Variants in ROBO2 observed in about 807,000 individuals in gnomAD.
ROBO2 encodes roundabout guidance receptor 2, also known as roundabout homolog 2.
Under a neutral mutation model 160.8 loss-of-function variants are expected in ROBO2, and 53 were observed. That is an observed-to-expected ratio of 0.33 (90% CI 0.26 to 0.41). The LOEUF (loss-of-function observed/expected upper bound fraction) is 0.41, where lower values mean the gene tolerates loss of function less well. Ranked by LOEUF, ROBO2 falls within the 10% of genes least tolerant of loss-of-function variation. ROBO2 has a pLI of 1.00. For missense variants in ROBO2, 1,577 were observed against 1,722.4 expected, an observed-to-expected ratio of 0.92 and a Z score of 1.49; for synonymous variants, 664 against 611.7, an observed-to-expected ratio of 1.09 and a Z score of -1.26.
chr3:76,434,542 G>T, intron 2 of ROBO2: 1 of 1,580,136 alleles, frequency 6.3e-7, no homozygotes, highest in Non-Finnish European at 8.7e-7. Context: ...ATGTAGACTG[G>T]GTCAAAGCTT....
chr3:77,362,456 G>A (rs1467932142), intron 2 of ROBO2, among the ~76,000 whole-genome samples: 4 of 152,154 alleles, frequency 2.6e-5, no homozygotes, highest in Non-Finnish European at 5.9e-5. Flanking sequence ...GGATGGTGGA[G>A]GATGAAGAAC....
At chr3:76,906,641 C>G in intron 2 of ROBO2, among the ~76,000 whole-genome samples, 1 of 151,992 alleles carries the variant, frequency 6.6e-6, no homozygotes, top group Admixed American at 6.6e-5. Context: ...AACTACGGCA[C>G]AGAGAAGTTA....
intron 2 of ROBO2, among the ~76,000 whole-genome samples, chr3:77,426,602 G>T (rs2153537440): frequency 7.6e-6 from 1 of 131,708 alleles, no homozygotes; most frequent in East Asian, 2.8e-4. Flanking sequence ...ATACATATGT[G>T]TGTGTCTGTG....
chr3:76,473,023 C>T (rs1178765551), intron 2 of ROBO2, among the ~76,000 whole-genome samples: 2 of 152,128 alleles, frequency 1.3e-5, no homozygotes, highest in Non-Finnish European at 2.9e-5. Flanking sequence ...TATGATTTAA[C>T]TTAAAAGACG....
At chr3:77,277,565 G>C (rs1198357135) in intron 2 of ROBO2, among the ~76,000 whole-genome samples, 1 of 152,066 alleles carries the variant, frequency 6.6e-6, no homozygotes, top group African/African-American at 2.4e-5. Context: ...TTGGTTTTCT[G>C]TTCCTGTGTT....
chr3:77,323,003 TA>T (rs2064954721), intron 2 of ROBO2, among the ~76,000 whole-genome samples: 1 of 110,144 alleles, frequency 9.1e-6, no homozygotes, highest in Non-Finnish European at 2.0e-5. Context: ...TAATATATTA[TA>T]TTATATTATG....
chr3:76,536,008 G>A (rs2108137519), intron 2 of ROBO2, among the ~76,000 whole-genome samples: 1 of 152,226 alleles, frequency 6.6e-6, no homozygotes, highest in African/African-American at 2.4e-5. Context: ...TTAGTTGGGT[G>A]GTCTGATTTC....
intron 2 of ROBO2, among the ~76,000 whole-genome samples, chr3:76,119,916 C>T (rs139475556): frequency 1.5e-3 from 131 of 88,148 alleles, no homozygotes; most frequent in African/African-American, 3.9e-3. Flanking sequence ...TTCCCTCCCT[C>T]CCTTCCTTCC....
intron 2 of ROBO2, among the ~76,000 whole-genome samples, chr3:76,835,356 C>A (rs1024725146): frequency 3.4e-5 from 5 of 148,368 alleles, no homozygotes; most frequent in Non-Finnish European, 7.4e-5. Flanking sequence ...TATATATGCA[C>A]ACATATATGT....
chr3:76,734,759 T>G (rs1576315322), intron 2 of ROBO2, among the ~76,000 whole-genome samples: 2 of 152,254 alleles, frequency 1.3e-5, no homozygotes, highest in South Asian at 4.1e-4. Context: ...AAAAAGACAC[T>G]GTAAAACTGC....
chr3:77,033,228 G>T, intron 2 of ROBO2, among the ~76,000 whole-genome samples: 1 of 152,080 alleles, frequency 6.6e-6, no homozygotes, highest in East Asian at 1.9e-4. Flanking sequence ...TCCTTATTTA[G>T]GAAGCCATTC....
chr3:76,621,826 G>A (rs991215282), intron 2 of ROBO2, among the ~76,000 whole-genome samples: 4 of 152,126 alleles, frequency 2.6e-5, no homozygotes, highest in African/African-American at 9.7e-5. Context: ...AGACTCCACA[G>A]TATGGCAGTA....
At chr3:76,377,253 A>G (rs1038845494) in intron 2 of ROBO2, among the ~76,000 whole-genome samples, 47 of 152,302 alleles carry the variant, frequency 3.1e-4, no homozygotes, top group Admixed American at 2.9e-3. Context: ...ATTGAAAATG[A>G]AATCCATAAT....
At chr3:77,459,504 C>T (rs2082016286) in intron 2 of ROBO2, among the ~76,000 whole-genome samples, 1 of 152,178 alleles carries the variant, frequency 6.6e-6, no homozygotes, top group Non-Finnish European at 1.5e-5. Flanking sequence ...GAACTTGGTT[C>T]CTGCCTTTGT....
chr3:77,411,674 A>G (rs1354262604), intron 2 of ROBO2, among the ~76,000 whole-genome samples: 1 of 152,232 alleles, frequency 6.6e-6, no homozygotes, highest in Non-Finnish European at 1.5e-5. Flanking sequence ...AAATGAATAT[A>G]TACACATGTA....
chr3:77,387,682 G>A (rs529083512), intron 2 of ROBO2, among the ~76,000 whole-genome samples: 14 of 151,438 alleles, frequency 9.2e-5, no homozygotes, highest in South Asian at 6.2e-4. Flanking sequence ...ACAAGAATCC[G>A]CCTTTCCTTT....
At chr3:77,347,415 CCT>C (rs2067781076) in intron 2 of ROBO2, among the ~76,000 whole-genome samples, 1 of 150,228 alleles carries the variant, frequency 6.7e-6, no homozygotes, top group African/African-American at 2.5e-5. Context: ...AGCAATTTTC[CCT>C]CTTTCCTTCC....
At chr3:76,491,832 C>T (rs1577600682) in intron 2 of ROBO2, among the ~76,000 whole-genome samples, 1 of 152,114 alleles carries the variant, frequency 6.6e-6, no homozygotes, top group South Asian at 2.1e-4. Context: ...CGGTGGCCCA[C>T]GCCTGTAATC....
intron 2 of ROBO2, among the ~76,000 whole-genome samples, chr3:76,035,279 G>A (rs73841081): frequency 0.013 from 2,011 of 150,910 alleles, 60 homozygotes; most frequent in African/African-American, 0.046. Flanking sequence ...GAATTAATGC[G>A]CATATGCCAA....
Sources: gnomAD v4.1 joint callset for allele counts (sites outside exome capture counted in the v4.1 genomes callset) on GRCh38, gnomAD v4.1.1 for gene constraint, MANE v1.5 for transcripts, NCBI Gene and HGNC (gene_info 2026-07-23, HGNC 2026-07-21) for gene names.